WWOX: variants seen among roughly 807,000 people sequenced by gnomAD.
WWOX encodes WW domain containing oxidoreductase.
In WWOX, 69 loss-of-function variants were observed where a neutral mutation model predicts 46.2. That is an observed-to-expected ratio of 1.49 (90% CI 1.23 to 1.82). WWOX has a LOEUF of 1.82. Ranked by LOEUF, WWOX falls within the 40% of genes most tolerant of loss-of-function variation. The pLI is 0.00. For missense variants in WWOX, 919 were observed against 542.6 expected (o/e 1.69, Z -6.89); for synonymous variants, 359 against 202.6 (o/e 1.77, Z -6.56).
chr16:78,948,613 C>G (rs2045995446), intron 8 of WWOX, among the ~76,000 whole-genome samples: 1 of 152,032 alleles, frequency 6.6e-6, no homozygotes, highest in Admixed American at 6.6e-5. Context: ...TCCTGCTTGT[C>G]TGAAGAGCAT....
At chr16:78,434,553 TG>T (rs1199851316) in intron 8 of WWOX, among the ~76,000 whole-genome samples, 1 of 152,210 alleles carries the variant, frequency 6.6e-6, no homozygotes, top group Non-Finnish European at 1.5e-5. Flanking sequence ...TATTTTCTGC[TG>T]GCCCAGTGCC....
chr16:78,457,698 G>A (rs2083852388), intron 8 of WWOX, among the ~76,000 whole-genome samples: 1 of 152,088 alleles, frequency 6.6e-6, no homozygotes, highest in African/African-American at 2.4e-5. Context: ...TGGATCACCT[G>A]AGGTCAGGAG....
Position 78,653,585 on chromosome 16 carries a change from G to A in WWOX, c.1056+220833G>A, listed in dbSNP as rs375138388. Among the ~76,000 whole-genome samples the A allele has an allele frequency of 1.6e-4, 24 of 152,364 alleles. No individual in the cohort carries two copies. The South Asian group carries it at 2.1e-3, about 13-fold the overall frequency. On this transcript the variant is annotated intron_variant, in intron 8 of 8. Coordinates refer to ENST00000566780, the MANE Select transcript of WWOX (RefSeq NM_016373.4). ...CCTTCTGCTTCCTCTGGACACTGGC[G>A]CAGCCTGGACTAGCAGTTGCCAGCT...
At chr16:79,170,003 T>C (rs1259704496) in intron 8 of WWOX, among the ~76,000 whole-genome samples, 2 of 152,144 alleles carry the variant, frequency 1.3e-5, no homozygotes, top group Non-Finnish European at 2.9e-5. Flanking sequence ...TTGCAATCTT[T>C]AGGACACCTT....
chr16:79,151,029 G>A (rs974779129), intron 8 of WWOX, among the ~76,000 whole-genome samples: 5 of 152,098 alleles, frequency 3.3e-5, no homozygotes, highest in South Asian at 2.1e-4. Flanking sequence ...CCTTTTAAAC[G>A]TTAGTTTTCA....
chr16:78,714,172 A>T lies in WWOX; in HGVS notation c.1056+281420A>T, dbSNP rs77025078. Among the ~76,000 whole-genome samples the T allele has an allele frequency of 7.9e-3, 1,197 of 152,252 alleles. 16 individuals are homozygous for T. The highest frequency in any genetic ancestry group is 0.026 in the African/African-American group (1,066 of 41,536). ...AGATGTACTGTCATTTCTTCAACAT[A>T]TATGTCCTATATTAGTCTATTCTCA... On this transcript the variant is annotated intron_variant, in intron 8 of 8. Transcript: ENST00000566780.
intron 8 of WWOX, among the ~76,000 whole-genome samples, chr16:78,836,154 A>G (rs1567593991): frequency 2.0e-5 from 3 of 151,936 alleles, no homozygotes; most frequent in East Asian, 1.9e-4. Context: ...TTGTAAGGGT[A>G]TAACAGCAGT....
At chr16:78,755,720 G>A (rs1024662449) in intron 8 of WWOX, among the ~76,000 whole-genome samples, 5 of 152,106 alleles carry the variant, frequency 3.3e-5, no homozygotes, top group South Asian at 2.1e-4. Flanking sequence ...TGATAGTTCA[G>A]TACCCGCTAT....
Position 79,201,230 on chromosome 16 carries a change from C to T in WWOX, c.1057-10378C>T, listed in dbSNP as rs917651517. 2.6e-5 allele frequency among the ~76,000 whole-genome samples: 4 copies of T among 152,122 alleles called. No homozygotes were observed. The East Asian group carries it at 5.8e-4, about 22-fold the overall frequency. On this transcript the variant is annotated intron_variant, in intron 8 of 8. Transcript: ENST00000566780. Reference sequence around the variant, plus strand: ...AATACCTGGATCTATCTTCCTCCTGCTGATTCTCAGCTCCCTCCAGGACTG... The same window carrying T: ...AATACCTGGATCTATCTTCCTCCTGTTGATTCTCAGCTCCCTCCAGGACTG...
At chr16:78,311,249 G>A (rs150961893) in intron 5 of WWOX, among the ~76,000 whole-genome samples, 2 of 152,282 alleles carry the variant, frequency 1.3e-5, no homozygotes, top group Non-Finnish European at 2.9e-5. Context: ...TGCATTCCCT[G>A]TATGTCTTCA....
chr16:78,749,482 T>C (rs1213381727), intron 8 of WWOX, among the ~76,000 whole-genome samples: 1 of 152,216 alleles, frequency 6.6e-6, no homozygotes, highest in Non-Finnish European at 1.5e-5. Flanking sequence ...TGATAGAATA[T>C]TAAATCATAA....
At chr16:78,314,430 G>A (rs1228646384) in intron 5 of WWOX, among the ~76,000 whole-genome samples, 1 of 146,752 alleles carries the variant, frequency 6.8e-6, no homozygotes, top group Non-Finnish European at 1.5e-5. Flanking sequence ...AAAAGTACAG[G>A]ACATACGTAG....
intron 6 of WWOX, among the ~76,000 whole-genome samples, chr16:78,402,275 C>T (rs932352181): frequency 1.3e-5 from 2 of 152,014 alleles, no homozygotes; most frequent in African/African-American, 2.4e-5. Context: ...GCATAATGTT[C>T]TAGAGGTTCA....
chr16:78,923,806 T>TTTTG (rs1567652306), intron 8 of WWOX, among the ~76,000 whole-genome samples: 1 of 144,024 alleles, frequency 6.9e-6, no homozygotes, highest in Admixed American at 6.9e-5. Flanking sequence ...TTTTTTTTTT[T>TTTTG]TTTTTTTTTT....
intron 8 of WWOX, among the ~76,000 whole-genome samples, chr16:79,182,498 C>G (rs892528068): frequency 6.6e-6 from 1 of 151,404 alleles, no homozygotes; most frequent in African/African-American, 2.5e-5. Context: ...TGATTCTTCA[C>G]TGGGATTGGA....
At chr16:78,943,384 C>A (rs116425404) in intron 8 of WWOX, among the ~76,000 whole-genome samples, 4 of 147,636 alleles carry the variant, frequency 2.7e-5, no homozygotes, top group East Asian at 1.9e-4. Flanking sequence ...TCATCTCCTC[C>A]GACTGCATCG....
rs74028140 is a variant in WWOX, at chr16:78,382,603, G to T, written c.517-4257G>T. The stretch of plus-strand genomic sequence containing the variant: ...TACTGACCACTCTGACGTACTAAAG[G>T]GTTGGTTTTGCCAATGAAGAGAGCA... On this transcript the variant is annotated intron_variant, in intron 5 of 8. Coordinates refer to ENST00000566780, the MANE Select transcript of WWOX (RefSeq NM_016373.4). 4.6e-3 allele frequency among the ~76,000 whole-genome samples: 701 copies of T among 152,268 alleles called. 7 individuals carry two copies. The highest frequency in any genetic ancestry group is 0.016 in the African/African-American group (669 of 41,548).
At chr16:78,796,597 G>A (rs541515295) in intron 8 of WWOX, among the ~76,000 whole-genome samples, 2 of 152,228 alleles carry the variant, frequency 1.3e-5, no homozygotes, top group African/African-American at 4.8e-5. Context: ...AAATTGCATG[G>A]TCTTGTACAA....
At chr16:79,208,151 C>CTCT (rs1419060427) in intron 8 of WWOX, among the ~76,000 whole-genome samples, 1 of 152,142 alleles carries the variant, frequency 6.6e-6, no homozygotes, top group Non-Finnish European at 1.5e-5. Context: ...TTTACATATA[C>CTCT]TCTCAAGATT....
Sources: allele counts gnomAD v4.1 joint callset (sites outside exome capture counted in the v4.1 genomes callset), GRCh38; gene constraint gnomAD v4.1.1; transcripts MANE v1.5; gene names NCBI Gene and HGNC (gene_info 2026-07-23, HGNC 2026-07-21).